Variants in EEA1 observed in about 807,000 individuals in gnomAD.
The protein encoded by EEA1 is early endosome antigen 1.
In EEA1, 111 loss-of-function variants were observed where a neutral mutation model predicts 209.2. That is an observed-to-expected ratio of 0.53 (90% CI 0.45 to 0.62). The LOEUF (loss-of-function observed/expected upper bound fraction) is 0.62, where lower values mean the gene tolerates loss of function less well. Among genes scored for constraint, EEA1 ranks in the 20% least tolerant of loss-of-function variants. EEA1 has a pLI of 0.00. For missense variants in EEA1, 1,343 were observed against 1,530.8 expected (o/e 0.88, Z 2.05); for synonymous variants, 536 against 540.6 (o/e 0.99, Z 0.12).
At chr12:92,841,572 T>C (rs1317067575) in intron 10 of EEA1, among the ~76,000 whole-genome samples, 1 of 152,054 alleles carries the variant, frequency 6.6e-6, no homozygotes, top group East Asian at 1.9e-4. Context: ...TACAACTCAA[T>C]AACAACAATG....
intron 13 of EEA1, among the ~76,000 whole-genome samples, chr12:92,823,184 A>T (rs1347644678): frequency 6.6e-6 from 1 of 152,198 alleles, no homozygotes; most frequent in Non-Finnish European, 1.5e-5. Flanking sequence ...CATCGACAAG[A>T]ATATTCTATT....
chr12:92,898,731 C>CTTTTTTTTT (rs772593153), intron 1 of EEA1, among the ~76,000 whole-genome samples: 1 of 76,110 alleles, frequency 1.3e-5, no homozygotes, highest in Non-Finnish European at 2.5e-5. Flanking sequence ...CTTTTTTTCC[C>CTTTTTTTTT]TTTTTTTTTT....
chr12:92,883,857 G>C, intron 2 of EEA1: 3 of 1,602,658 alleles, frequency 1.9e-6, no homozygotes, highest in Non-Finnish European at 2.6e-6. Flanking sequence ...CAACCGATGA[G>C]AGCCTGAGGA....
chr12:92,781,555 T>C (rs1873902385), intron 23 of EEA1, among the ~76,000 whole-genome samples: 2 of 152,194 alleles, frequency 1.3e-5, no homozygotes, highest in Non-Finnish European at 2.9e-5. Context: ...GACAATCTGG[T>C]TCTTAATTTT....
chr12:92,890,928 A>C (rs1879632950), intron 2 of EEA1, among the ~76,000 whole-genome samples: 1 of 152,182 alleles, frequency 6.6e-6, no homozygotes, highest in Admixed American at 6.5e-5. Flanking sequence ...AGAGAAAAAA[A>C]GACTGGGTAA....
intron 11 of EEA1, among the ~76,000 whole-genome samples, chr12:92,832,018 C>A (rs916237944): frequency 6.8e-6 from 1 of 148,054 alleles, no homozygotes; most frequent in Non-Finnish European, 1.5e-5. Flanking sequence ...ACCCGGGAAG[C>A]GGAGCTTGCA....
chr12:92,860,316 C>T (rs1434272055), intron 3 of EEA1, among the ~76,000 whole-genome samples: 1 of 152,102 alleles, frequency 6.6e-6, no homozygotes, highest in African/African-American at 2.4e-5. Context: ...ACAATAATGC[C>T]TCCCAGGGTT....
At chr12:92,811,868 A>T (rs924325) in intron 16 of EEA1, among the ~76,000 whole-genome samples, 95,017 of 151,738 alleles carry the variant, frequency 0.63, 30,468 homozygotes, top group East Asian at 0.94. Context: ...ACAAAAAAAA[A>T]AAAATAAAAT....
chr12:92,843,014 T>G (rs1276657682), intron 9 of EEA1, among the ~76,000 whole-genome samples: 1 of 152,194 alleles, frequency 6.6e-6, no homozygotes, highest in South Asian at 2.1e-4. Context: ...GAGCTTGATA[T>G]TAGTGAATCA....
rs182763726 is a variant in EEA1, at chr12:92,847,295, T to G, written c.798+3816A>C. ...TTAGCTTCTTTAATTCCTTTGTATG[T>G]GTTTTGTTTCTGATGCCAATATTTA... On this transcript the variant is annotated intron_variant, in intron 9 of 28. Transcript: ENST00000322349. Among the ~76,000 whole-genome samples, 233 of 152,330 alleles carry G rather than the reference T, an allele frequency of 1.5e-3. 1 individual carries two copies. Among genetic ancestry groups the G allele is most frequent in the African/African-American group, 5.5e-3 (228 of 41,578 alleles).
chr12:92,782,542 A>G (rs1873948699), intron 22 of EEA1, among the ~76,000 whole-genome samples: 1 of 152,224 alleles, frequency 6.6e-6, no homozygotes, highest in Non-Finnish European at 1.5e-5. Flanking sequence ...AACAATCTTA[A>G]AAGAGATATA....
At chr12:92,892,427 C>A (rs1879688238) in intron 1 of EEA1, among the ~76,000 whole-genome samples, 1 of 151,948 alleles carries the variant, frequency 6.6e-6, no homozygotes, top group Non-Finnish European at 1.5e-5. Context: ...AGAAAGTCCT[C>A]AAGATGCAAG....
chr12:92,846,929 A>C (rs1877407849), intron 9 of EEA1, among the ~76,000 whole-genome samples: 1 of 151,870 alleles, frequency 6.6e-6, no homozygotes, highest in Admixed American at 6.6e-5. Context: ...TTTTGTTTGA[A>C]ATAAATGTTT....
chr12:92,860,853 A>G (rs560152501), intron 3 of EEA1, among the ~76,000 whole-genome samples: 1 of 152,098 alleles, frequency 6.6e-6, no homozygotes, highest in East Asian at 1.9e-4. Context: ...CAGTTTAATG[A>G]AGATCTAAAT....
At chr12:92,832,375 G>T (rs1876690646) in intron 11 of EEA1, 137 bp downstream of exon 11, 3 of 782,108 alleles carry the variant, frequency 3.8e-6, no homozygotes, top group Non-Finnish European at 4.0e-6. Flanking sequence ...AACACTACAG[G>T]ATATAAAAGT....
In EEA1 at chr12:92,771,744, C is replaced by T. The variant is rs570592323; in HGVS notation, c.*4267G>A. The T allele has an allele frequency of 1.3e-5, 2 of 152,084 alleles. No homozygotes were observed. Among genetic ancestry groups the T allele is most frequent in the South Asian group, 2.1e-4 (1 of 4,826 alleles). The allele number at this position is 152,084 out of a possible 1,614,324, so 9.4% of individuals were successfully genotyped here. On this transcript the variant is annotated 3_prime_UTR_variant, in exon 29 of 29. Coordinates refer to ENST00000322349, the MANE Select transcript of EEA1 (RefSeq NM_003566.4). ...CAAATGTTTAGATATAAACTAACCT[C>T]GGAGGTGAGCAGTGGACTAGGATGA...
At chr12:92,826,544 C>CA (rs1368590103) in intron 12 of EEA1, among the ~76,000 whole-genome samples, 1 of 137,300 alleles carries the variant, frequency 7.3e-6, no homozygotes, top group Non-Finnish European at 1.7e-5. Flanking sequence ...CCTGTCTCTA[C>CA]TAAAAAAAAA....
chr12:92,879,201 A>ATTTTTTTTT (rs34766702), intron 2 of EEA1: 5 of 234,002 alleles, frequency 2.1e-5, no homozygotes, highest in Admixed American at 1.2e-4. Context: ...TGGATTCTGG[A>ATTTTTTTTT]TTTTTTTTTT....
intron 1 of EEA1, among the ~76,000 whole-genome samples, chr12:92,926,438 TA>T (rs372689969): frequency 8.5e-5 from 13 of 152,338 alleles, no homozygotes; most frequent in African/African-American, 3.1e-4. Flanking sequence ...TTACACAATT[TA>T]AAGATTCAAG....
Sources: gnomAD v4.1 joint callset for allele counts (sites outside exome capture counted in the v4.1 genomes callset) on GRCh38, gnomAD v4.1.1 for gene constraint, MANE v1.5 for transcripts, NCBI Gene and HGNC (gene_info 2026-07-23, HGNC 2026-07-21) for gene names.